IAPP: variants seen among roughly 807,000 people sequenced by gnomAD.
The protein encoded by IAPP is islet amyloid polypeptide, also known as Islet amyloid polypeptide (diabetes-associated peptide; amylin).
IAPP carries 4 observed loss-of-function variants against 2.9 expected under a neutral mutation model. The observed-to-expected ratio is 1.39, with a 90% confidence interval of 0.69 to 3.19. IAPP has a LOEUF of 3.19. Among genes scored for constraint, IAPP ranks in the 30% most tolerant of loss-of-function variants. The pLI, the probability that IAPP is intolerant of heterozygous loss-of-function variation, is 0.01. For synonymous variants in IAPP, 40 were observed against 42.1 expected (o/e 0.95, Z 0.19); for missense variants, 114 against 105.3 (o/e 1.08, Z -0.36).
chr12:21,366,458 C>T (rs1299694337), intron 1 of IAPP, among the ~76,000 whole-genome samples: 2 of 151,924 alleles, frequency 1.3e-5, no homozygotes, highest in East Asian at 1.9e-4. Context: ...GACGAGTTGA[C>T]GGGTGCAGCA....
Position 21,379,008 on chromosome 12 carries a change from G to A in IAPP, c.*582G>A, listed in dbSNP as rs1940411758. The A allele has an allele frequency of 6.6e-6, 1 of 152,526 alleles. No homozygotes were observed. Among genetic ancestry groups the A allele is most frequent in the African/African-American group, 2.4e-5 (1 of 41,442 alleles). 9.4% of individuals were successfully genotyped at this position (152,526 alleles called of 1,614,324 possible). A position where few individuals can be genotyped will look rare whatever the true frequency, so the allele number is the denominator to read the frequency against. On this transcript the variant is annotated 3_prime_UTR_variant, in exon 3 of 3. Coordinates refer to ENST00000240652, the MANE Select transcript of IAPP (RefSeq NM_000415.3). Reference sequence around the variant, plus strand: ...GAGAATCGCTTAAACCCAGGAGGCGGAGGTTGCAGTGAGCCGAGATTGCAC... The same window carrying A: ...GAGAATCGCTTAAACCCAGGAGGCGAAGGTTGCAGTGAGCCGAGATTGCAC...
chr12:21,370,415 G>A (rs1348185245), upstream of IAPP, among the ~76,000 whole-genome samples: 1 of 151,224 alleles, frequency 6.6e-6, no homozygotes, highest in East Asian at 2.0e-4. Flanking sequence ...TGCCATGTTG[G>A]TGTGCTGCAC....
intron 1 of IAPP, among the ~76,000 whole-genome samples, chr12:21,357,083 C>T (rs1396648397): frequency 6.6e-6 from 1 of 152,024 alleles, no homozygotes; most frequent in Non-Finnish European, 1.5e-5. Context: ...AACAAACAAA[C>T]ACTATAGAAT....
At chr12:21,363,710 G>A (rs1253796812) in intron 1 of IAPP, among the ~76,000 whole-genome samples, 1 of 152,080 alleles carries the variant, frequency 6.6e-6, no homozygotes, top group Admixed American at 6.5e-5. Context: ...AATGATAAAG[G>A]GGATATCACC....
chr12:21,364,177 C>T (rs1939179071), intron 1 of IAPP, among the ~76,000 whole-genome samples: 2 of 152,180 alleles, frequency 1.3e-5, no homozygotes, highest in Non-Finnish European at 2.9e-5. Context: ...AATCCAGCAA[C>T]ACATCAAAAA....
chr12:21,370,717 G>C (rs1565519924), upstream of IAPP, among the ~76,000 whole-genome samples: 1 of 152,128 alleles, frequency 6.6e-6, no homozygotes, highest in African/African-American at 2.4e-5. Flanking sequence ...TAATAAGCAA[G>C]TATTTTTGTC....
intron 1 of IAPP, among the ~76,000 whole-genome samples, chr12:21,357,919 AT>A (rs1162813190): frequency 1.3e-5 from 2 of 152,198 alleles, no homozygotes; most frequent in South Asian, 4.1e-4. Context: ...TAAATACCGA[AT>A]TCTCCATAAA....
At chr12:21,365,909 G>A (rs1427178708) in intron 1 of IAPP, among the ~76,000 whole-genome samples, 1 of 152,216 alleles carries the variant, frequency 6.6e-6, no homozygotes, top group African/African-American at 2.4e-5. Flanking sequence ...ACAGGTGCTG[G>A]AGAGGATGTG....
intron 1 of IAPP, among the ~76,000 whole-genome samples, chr12:21,362,060 C>G (rs957124054): frequency 6.6e-6 from 1 of 152,088 alleles, no homozygotes; most frequent in Non-Finnish European, 1.5e-5. Context: ...CAAAGATACT[C>G]CTCGAGAAGA....
At chr12:21,366,584 A>G (rs1041247461) in intron 1 of IAPP, among the ~76,000 whole-genome samples, 69 of 152,186 alleles carry the variant, frequency 4.5e-4, no homozygotes, top group South Asian at 3.5e-3. Context: ...ACATTAAAAG[A>G]TATTTTTTAA....
At chr12:21,355,241 A>G (rs1938273396) in intron 1 of IAPP, among the ~76,000 whole-genome samples, 1 of 152,200 alleles carries the variant, frequency 6.6e-6, no homozygotes, top group African/African-American at 2.4e-5. Context: ...GAATTTGTCT[A>G]TATAGCTCAG....
chr12:21,357,610 AGATGC>A (rs1938477304), intron 1 of IAPP, among the ~76,000 whole-genome samples: 1 of 152,194 alleles, frequency 6.6e-6, no homozygotes, highest in African/African-American at 2.4e-5. Context: ...AGCGTCCAAT[AGATGC>A]TCTAAGTATT....
chr12:21,359,944 A>G (rs1317673750), intron 1 of IAPP, among the ~76,000 whole-genome samples: 1 of 152,214 alleles, frequency 6.6e-6, no homozygotes, highest in Non-Finnish European at 1.5e-5. Flanking sequence ...ACACAATGAA[A>G]CACTACTCCA....
rs1940444907 is a variant in IAPP, at chr12:21,379,447, A to T, written c.*1021A>T. The stretch of plus-strand genomic sequence containing the variant: ...ATTGCGAAACAACTTGTGTTCTATT[A>T]ATCGTGTCTTCAATTAAAAGACCAC... On this transcript the variant is annotated 3_prime_UTR_variant, in exon 3 of 3. Coordinates refer to ENST00000240652, the MANE Select transcript of IAPP (RefSeq NM_000415.3). 1.3e-5 allele frequency: 2 copies of T among 152,214 alleles called. No homozygotes were observed. The allele number at this position is 152,214 out of a possible 1,614,324, so 9.4% of individuals were successfully genotyped here. A position where few individuals can be genotyped will look rare whatever the true frequency, so the allele number is the denominator to read the frequency against.
intron 1 of IAPP, among the ~76,000 whole-genome samples, chr12:21,366,173 G>A (rs1415519346): frequency 6.6e-6 from 1 of 152,114 alleles, no homozygotes; most frequent in African/African-American, 2.4e-5. Flanking sequence ...TGATAGACTG[G>A]ATTAAGAAAA....
Position 21,378,332 on chromosome 12 carries a change from T to C in IAPP, c.176T>C (p.Ile59Thr), listed in dbSNP as rs773753046. 1 of 1,614,088 alleles carries C rather than the reference T, an allele frequency of 6.2e-7. No individual in the cohort carries two copies. Among genetic ancestry groups the C allele is most frequent in the East Asian group, 2.2e-5 (1 of 44,898 alleles). Reference sequence around the variant, plus strand: ...CATTCCAGCAACAACTTTGGTGCCATTCTCTCATCTACCAACGTGGGATCC... The same window carrying C: ...CATTCCAGCAACAACTTTGGTGCCACTCTCTCATCTACCAACGTGGGATCC... ...LVHSSNNFGA[I>T]LSSTNVGSNT... is the part of the protein sequence containing the mutation. Residue 59 changes from isoleucine (I) to threonine (T), a missense_variant, in exon 3 of 3, where the codon ATT becomes ACT. Transcript: ENST00000240652.
chr12:21,357,870 T>C (rs1225975786), intron 1 of IAPP, among the ~76,000 whole-genome samples: 1 of 152,132 alleles, frequency 6.6e-6, no homozygotes, highest in Non-Finnish European at 1.5e-5. Context: ...CTTAAGAAAA[T>C]TTATTGAGAA....
intron 1 of IAPP, among the ~76,000 whole-genome samples, chr12:21,359,014 A>T (rs1938600752): frequency 6.6e-6 from 1 of 152,226 alleles, no homozygotes; most frequent in Non-Finnish European, 1.5e-5. Flanking sequence ...TCAGAATCCT[A>T]TGCTTAGCTA....
chr12:21,360,834 G>T (rs905460374), intron 1 of IAPP, among the ~76,000 whole-genome samples: 11 of 152,210 alleles, frequency 7.2e-5, no homozygotes, highest in African/African-American at 2.7e-4. Flanking sequence ...CAGCAAGGCT[G>T]GGGGAGGGGC....
Sources: gnomAD v4.1 joint callset for allele counts (sites outside exome capture counted in the v4.1 genomes callset) on GRCh38, gnomAD v4.1.1 for gene constraint, MANE v1.5 for transcripts, NCBI Gene and HGNC (gene_info 2026-07-23, HGNC 2026-07-21) for gene names.